Variants in LTA4H observed in about 807,000 individuals in gnomAD.
LTA4H encodes leukotriene A4 hydrolase.
In LTA4H, 59 loss-of-function variants were observed where a neutral mutation model predicts 89.8. That is an observed-to-expected ratio of 0.66 (90% confidence interval 0.53 to 0.82). The LOEUF is 0.82. LTA4H is among the 40% of genes least tolerant of loss of function. The pLI is 0.00. For synonymous variants in LTA4H, 227 were observed against 253.1 expected, an observed-to-expected ratio of 0.90 and a Z score of 0.98; for missense variants, 617 against 727.0, an observed-to-expected ratio of 0.85 and a Z score of 1.74.
At chr12:96,013,516 A>G (rs1273380701) in intron 13 of LTA4H, among the ~76,000 whole-genome samples, 1 of 152,200 alleles carries the variant, frequency 6.6e-6, no homozygotes, top group Non-Finnish European at 1.5e-5. Context: ...ATCTAACTCT[A>G]TCTTCTAAAA....
rs189708558 is a variant in LTA4H, at chr12:96,014,457, T to C, written c.1204+398A>G. On this transcript the variant is annotated intron_variant, in intron 12 of 18. Coordinates refer to ENST00000228740, the MANE Select transcript of LTA4H (RefSeq NM_000895.3). ...AAATAATTACATGTATTTATTTGTC[T>C]GCTTGTTAATTTACACCTAGAAAAT... The C allele has an allele frequency of 1.9e-3, 306 of 160,280 alleles. 3 individuals carry two copies. Among genetic ancestry groups the C allele is most frequent in the African/African-American group, 7.0e-3 (292 of 41,810 alleles). The allele number at this position is 160,280 out of a possible 1,614,324, so 9.9% of individuals were successfully genotyped here. A position where few individuals can be genotyped will look rare whatever the true frequency, so the allele number is the denominator to read the frequency against.
chr12:96,030,102 C>A (rs1368464981), intron 1 of LTA4H, among the ~76,000 whole-genome samples: 1 of 152,172 alleles, frequency 6.6e-6, no homozygotes, highest in Non-Finnish European at 1.5e-5. Context: ...TGTCCAATAA[C>A]CTTGACCTCT....
chr12:96,012,205 C>T (rs1950311518), intron 14 of LTA4H: 1 of 152,212 alleles, frequency 6.6e-6, no homozygotes, highest in Non-Finnish European at 1.5e-5. Context: ...CATGACCAGG[C>T]CTCATCTTGT....
chr12:96,029,414 C>T (rs914642768), intron 1 of LTA4H, among the ~76,000 whole-genome samples: 1 of 152,098 alleles, frequency 6.6e-6, no homozygotes, highest in Non-Finnish European at 1.5e-5. Context: ...AACCCTAGGA[C>T]AGTCACACAA....
At chr12:96,016,405 G>A (rs946624983) in intron 10 of LTA4H, among the ~76,000 whole-genome samples, 5 of 151,924 alleles carry the variant, frequency 3.3e-5, no homozygotes, top group African/African-American at 1.2e-4. Context: ...GAGCTCAGGA[G>A]TTTGAGACCA....
intron 14 of LTA4H, chr12:96,010,661 T>A (rs1950285902): frequency 6.6e-6 from 1 of 152,226 alleles, no homozygotes; most frequent in South Asian, 2.1e-4. Context: ...GGATTTTGTC[T>A]TAGCCCAAGA....
chr12:96,021,429 G>A (rs1950450923), intron 5 of LTA4H, among the ~76,000 whole-genome samples: 1 of 152,080 alleles, frequency 6.6e-6, no homozygotes, highest in Admixed American at 6.5e-5. Context: ...TGCATTTTGA[G>A]CATTTCTCAA....
At chr12:96,003,146 T>A in intron 17 of LTA4H, 82 bp from the exon 18 acceptor site, 1 of 830,706 alleles carries the variant, frequency 1.2e-6, no homozygotes, top group Non-Finnish European at 2.0e-6. Context: ...ATATTACTTC[T>A]GTAGTGATAT....
Position 96,027,840 on chromosome 12 carries a change from G to A in LTA4H, c.291-276C>T, listed in dbSNP as rs1010027744. The A allele has an allele frequency of 1.5e-5, 3 of 200,168 alleles. No homozygotes were observed. The East Asian group carries it at 3.9e-4, about 26-fold the overall frequency. 12.4% of individuals were successfully genotyped at this position (200,168 alleles called of 1,614,324 possible). A position where few individuals can be genotyped will look rare whatever the true frequency, so the allele number is the denominator to read the frequency against. ...GGTTGACTACCCCGTTGTGTGTCAC[G>A]TACTTTGCATCTGTGATATCATTTA... On this transcript the variant is annotated intron_variant, in intron 2 of 18. Transcript: ENST00000228740.
At chr12:96,013,976 T>A (rs576234571) in intron 12 of LTA4H, 123 bp from the exon 13 acceptor site, 11 of 559,368 alleles carry the variant, frequency 2.0e-5, no homozygotes, top group African/African-American at 1.9e-4. Context: ...TAGGGAAATC[T>A]ACGAGGACTT....
At chr12:96,001,198 G>A in intron 18 of LTA4H, 92 bp from the exon 19 acceptor site, 8 of 755,666 alleles carry the variant, frequency 1.1e-5, no homozygotes, top group South Asian at 1.5e-5. Context: ...GGAGGGAAGG[G>A]GTTCAGAGGA....
At chr12:96,018,741 A>G in intron 8 of LTA4H, 22 bp downstream of exon 8, 1 of 1,509,520 alleles carries the variant, frequency 6.6e-7, no homozygotes, top group Non-Finnish European at 8.8e-7. Context: ...TCAATTTCAA[A>G]TGAAGAAACA....
chr12:96,007,584 C>A (rs945022597), intron 15 of LTA4H, among the ~76,000 whole-genome samples: 1 of 152,066 alleles, frequency 6.6e-6, no homozygotes, highest in African/African-American at 2.4e-5. Flanking sequence ...CTATTTAAGA[C>A]AAATCATTGA....
At chr12:96,020,332 C>A (rs528049603) in intron 6 of LTA4H, among the ~76,000 whole-genome samples, 1 of 152,212 alleles carries the variant, frequency 6.6e-6, no homozygotes, top group East Asian at 1.9e-4. Context: ...CGTGGATAAA[C>A]CTTAAGGGCA....
At chr12:96,018,741 A>T (rs1302798562) in intron 8 of LTA4H, 22 bp downstream of exon 8, 1 of 1,509,402 alleles carries the variant, frequency 6.6e-7, no homozygotes, top group African/African-American at 1.4e-5. Flanking sequence ...TCAATTTCAA[A>T]TGAAGAAACA....
In LTA4H at chr12:96,024,606, A is replaced by T. The variant is rs1201074603; in HGVS notation, c.412-59T>A. On this transcript the variant is annotated intron_variant, in intron 3 of 18. Transcript: ENST00000228740. Reference sequence around the variant, plus strand: ...TTATCTTTCGCATAAGTCATTAAGAAATCATTAAAAATTGCAGCATTGTTC... The same window carrying T: ...TTATCTTTCGCATAAGTCATTAAGATATCATTAAAAATTGCAGCATTGTTC... 2.9e-6 allele frequency: 3 copies of T among 1,028,444 alleles called. No homozygotes were observed. In the Admixed American group the frequency reaches 5.3e-5, roughly 18 times the overall value. 63.7% of individuals were successfully genotyped at this position (1,028,444 alleles called of 1,614,324 possible). A position where few individuals can be genotyped will look rare whatever the true frequency, so the allele number is the denominator to read the frequency against.
At chr12:96,001,167 G>A in intron 18 of LTA4H, 61 bp from the exon 19 acceptor site, 1 of 1,016,870 alleles carries the variant, frequency 9.8e-7, no homozygotes, top group Non-Finnish European at 1.6e-6. Flanking sequence ...GGAGGAGAAA[G>A]GGAGGGAGAG....
intron 10 of LTA4H, among the ~76,000 whole-genome samples, chr12:96,016,681 G>T (rs1246353183): frequency 6.7e-6 from 1 of 149,864 alleles, no homozygotes; most frequent in Non-Finnish European, 1.5e-5. Flanking sequence ...TGGGTGGATT[G>T]CCTGAGCTCA....
At position 96,001,039 on chromosome 12, in the gene LTA4H, T is replaced by C. The variant is rs1357627357; in HGVS notation, c.1786A>G (p.Met596Val). ...VRTYQEHKASMHPVTAMLVGK... is the reference protein window; with the variant it reads ...VRTYQEHKASVHPVTAMLVGK... ...ACCAGCATTGCAGTCACGGGATGCA[T>C]GCTTGCTTTGTGCTCTTGGTAGGTT... The change falls in exon 19 of 19, where the codon ATG becomes GTG. Residue 596 changes from methionine (M) to valine (V), a missense_variant. Transcript: ENST00000228740. 1.2e-6 allele frequency: 2 copies of C among 1,614,172 alleles called. No homozygotes were observed. Among genetic ancestry groups the C allele is most frequent in the East Asian group, 2.2e-5 (1 of 44,892 alleles).
Sources: gnomAD v4.1 joint callset for allele counts (sites outside exome capture counted in the v4.1 genomes callset) on GRCh38, gnomAD v4.1.1 for gene constraint, MANE v1.5 for transcripts, NCBI Gene and HGNC (gene_info 2026-07-23, HGNC 2026-07-21) for gene names.